The following DGKB variants were observed in gnomAD, a reference collection of about 807,000 sequenced individuals.
DGKB encodes diacylglycerol kinase beta.
DGKB carries 67 observed loss-of-function variants against 114.3 expected under a neutral mutation model. That is an observed-to-expected ratio of 0.59 (90% confidence interval 0.48 to 0.72). DGKB has a LOEUF of 0.72. DGKB is among the 30% of genes least tolerant of loss of function. DGKB has a pLI of 0.00. For synonymous variants in DGKB, 398 were observed against 323.1 expected (o/e 1.23, Z -2.49); for missense variants, 907 against 975.2 (o/e 0.93, Z 0.93).
chr7:14,780,825 G>A (rs1019297670), intron 2 of DGKB, among the ~76,000 whole-genome samples: 7 of 152,098 alleles, frequency 4.6e-5, no homozygotes, highest in African/African-American at 1.4e-4. Flanking sequence ...GCATCATAAC[G>A]TAGTTTCTGA....
At chr7:14,456,456 C>A (rs1039030310) in intron 21 of DGKB, among the ~76,000 whole-genome samples, 1 of 151,984 alleles carries the variant, frequency 6.6e-6, no homozygotes, top group African/African-American at 2.4e-5. Flanking sequence ...TGTTAATATA[C>A]CTGCACAAAA....
intron 1 of DGKB, among the ~76,000 whole-genome samples, chr7:14,966,791 A>G (rs1787180003): frequency 6.6e-6 from 1 of 152,160 alleles, no homozygotes; most frequent in Non-Finnish European, 1.5e-5. Context: ...TAGAGACACT[A>G]TAAAGATAAA....
intron 13 of DGKB, among the ~76,000 whole-genome samples, chr7:14,654,818 A>G (rs1476172906): frequency 6.6e-6 from 1 of 151,990 alleles, no homozygotes; most frequent in African/African-American, 2.4e-5. Flanking sequence ...AGAAAACTGG[A>G]TATTCATATG....
At chr7:14,904,330 G>A (rs371175729), upstream of DGKB, among the ~76,000 whole-genome samples, 5 of 152,060 alleles carry the variant, frequency 3.3e-5, no homozygotes, top group South Asian at 2.1e-4. Flanking sequence ...TATTTGTAAT[G>A]CACGCCTTTA....
intron 21 of DGKB, among the ~76,000 whole-genome samples, chr7:14,375,797 G>T (rs540633359): frequency 2.6e-5 from 4 of 152,278 alleles, no homozygotes; most frequent in Non-Finnish European, 5.9e-5. Context: ...GAAGTTCTTC[G>T]AGGGCAGTGA....
intron 2 of DGKB, among the ~76,000 whole-genome samples, chr7:14,840,451 A>G (rs928543408): frequency 2.6e-4 from 39 of 152,206 alleles, no homozygotes; most frequent in African/African-American, 8.7e-4. Flanking sequence ...TGAAATAGAC[A>G]TATTCCTGAA....
chr7:14,433,144 CGTATCTATTG>C (rs1828721698), intron 21 of DGKB, among the ~76,000 whole-genome samples: 1 of 152,104 alleles, frequency 6.6e-6, no homozygotes, highest in Non-Finnish European at 1.5e-5. Context: ...GGGAGCACGT[CGTATCTATTG>C]ACTGGCTAGC....
intron 1 of DGKB, among the ~76,000 whole-genome samples, chr7:14,912,655 G>C (rs1427168191): frequency 6.6e-6 from 1 of 152,142 alleles, no homozygotes; most frequent in African/African-American, 2.4e-5. Flanking sequence ...TTCCTTAGCT[G>C]CAACAAAGTA....
chr7:14,784,892 T>C (rs925102691), intron 2 of DGKB, among the ~76,000 whole-genome samples: 1 of 150,864 alleles, frequency 6.6e-6, no homozygotes, highest in Non-Finnish European at 1.5e-5. Flanking sequence ...CTACAATATA[T>C]TCTATGTGTA....
chr7:14,236,364 C>T (rs967876041), intron 23 of DGKB, among the ~76,000 whole-genome samples: 5 of 92,248 alleles, frequency 5.4e-5, no homozygotes, highest in East Asian at 2.3e-4. Flanking sequence ...GCTATTATTT[C>T]TGCCAAAAAA....
intron 1 of DGKB, among the ~76,000 whole-genome samples, chr7:14,890,398 C>T (rs1239409820): frequency 6.6e-6 from 1 of 151,366 alleles, no homozygotes; most frequent in African/African-American, 2.4e-5. Context: ...CTACAGTTTG[C>T]TATAAATCAT....
intron 13 of DGKB, among the ~76,000 whole-genome samples, chr7:14,642,304 A>G (rs989708802): frequency 1.3e-5 from 2 of 152,108 alleles, no homozygotes; most frequent in African/African-American, 4.8e-5. Flanking sequence ...GTTTGATGCA[A>G]TAAAACTTTA....
intron 2 of DGKB, among the ~76,000 whole-genome samples, chr7:14,793,707 G>T (rs1463372415): frequency 6.6e-6 from 1 of 152,050 alleles, no homozygotes; most frequent in Non-Finnish European, 1.5e-5. Flanking sequence ...ATCTCTATGA[G>T]AAATTATCCT....
intron 5 of DGKB, among the ~76,000 whole-genome samples, chr7:14,722,366 C>A (rs1434157137): frequency 6.6e-6 from 1 of 152,092 alleles, no homozygotes; most frequent in Non-Finnish European, 1.5e-5. Context: ...TTTAGACTGG[C>A]TTTTTTCTGT....
intron 25 of DGKB, among the ~76,000 whole-genome samples, chr7:14,157,449 G>A (rs1463541051): frequency 4.7e-5 from 7 of 149,012 alleles, no homozygotes; most frequent in Admixed American, 1.3e-4. Context: ...TAAAGTCTTC[G>A]ATCTAACATC....
chr7:14,493,958 A>T (rs1354181852), intron 20 of DGKB, among the ~76,000 whole-genome samples: 1 of 147,378 alleles, frequency 6.8e-6, no homozygotes, highest in Non-Finnish European at 1.5e-5. Flanking sequence ...ACACACACAC[A>T]CACATCTATG....
intron 20 of DGKB, among the ~76,000 whole-genome samples, chr7:14,568,043 C>G (rs1271597973): frequency 1.3e-5 from 2 of 152,024 alleles, no homozygotes; most frequent in Admixed American, 6.6e-5. Context: ...AAGTTTTATT[C>G]CTGGGATATT....
intron 21 of DGKB, among the ~76,000 whole-genome samples, chr7:14,356,088 A>T (rs1814421956): frequency 6.6e-6 from 1 of 152,026 alleles, no homozygotes; most frequent in Non-Finnish European, 1.5e-5. Flanking sequence ...GTATTCTCTG[A>T]TGGTAGTTTG....
At chr7:14,879,088 A>T (rs1421491596) in intron 1 of DGKB, among the ~76,000 whole-genome samples, 1 of 151,960 alleles carries the variant, frequency 6.6e-6, no homozygotes, top group Non-Finnish European at 1.5e-5. Flanking sequence ...GGAAAATGTC[A>T]CACAGATCCT....
Sources: gnomAD v4.1 joint callset for allele counts (sites outside exome capture counted in the v4.1 genomes callset) on GRCh38, gnomAD v4.1.1 for gene constraint, MANE v1.5 for transcripts, NCBI Gene and HGNC (gene_info 2026-07-23, HGNC 2026-07-21) for gene names.